The following MAL2 variants were observed in gnomAD, a reference collection of about 807,000 sequenced individuals.
MAL2 encodes protein MAL2.
Under a neutral mutation model 18.1 loss-of-function variants are expected in MAL2, and 17 were observed. The ratio of observed to expected loss-of-function variants is 0.94; its 90% confidence interval spans 0.64 to 1.41. The LOEUF (loss-of-function observed/expected upper bound fraction) is 1.41, where lower values mean the gene tolerates loss of function less well. MAL2 is among the 40% of genes most tolerant of loss of function. MAL2 has a pLI of 0.00. For synonymous variants in MAL2, 102 were observed against 102.3 expected, an observed-to-expected ratio of 1.00 and a Z score of 0.02; for missense variants, 222 against 231.9, an observed-to-expected ratio of 0.96 and a Z score of 0.28.
intron 2 of MAL2, among the ~76,000 whole-genome samples, chr8:119,239,554 A>G (rs1170946080): frequency 6.6e-6 from 1 of 152,034 alleles, no homozygotes; most frequent in Non-Finnish European, 1.5e-5. Flanking sequence ...GATTAAGAAA[A>G]TGTGGCACAT....
Position 119,210,333 on chromosome 8 carries a change from C to A in MAL2, c.132+1729C>A, listed in dbSNP as rs149023951. Reference sequence around the variant, plus strand: ...AAATACCATCTCAAGAACCTGTAGTCATGTCAGACTTTTAGGAAACAAGGC... The same window carrying A: ...AAATACCATCTCAAGAACCTGTAGTAATGTCAGACTTTTAGGAAACAAGGC... On this transcript the variant is annotated intron_variant, in intron 1 of 3. Coordinates refer to ENST00000614891, the MANE Select transcript of MAL2 (RefSeq NM_052886.3). 4.8e-3 allele frequency among the ~76,000 whole-genome samples: 737 copies of A among 152,238 alleles called. 24 individuals are homozygous for A. The highest frequency in any genetic ancestry group is 0.046 in the Admixed American group (707 of 15,284).
At chr8:119,240,657 A>C (rs1818029273) in intron 3 of MAL2, among the ~76,000 whole-genome samples, 1 of 152,176 alleles carries the variant, frequency 6.6e-6, no homozygotes, top group African/African-American at 2.4e-5. Flanking sequence ...GGAGATTTCC[A>C]GTTTTGTTCT....
intron 2 of MAL2, among the ~76,000 whole-genome samples, chr8:119,237,849 A>AC (rs1817944311): frequency 6.6e-6 from 1 of 152,070 alleles, no homozygotes; most frequent in Admixed American, 6.5e-5. Context: ...ATGGGCAAAA[A>AC]CTGGAAGCAT....
chr8:119,228,124 C>T (rs919181715), intron 2 of MAL2, among the ~76,000 whole-genome samples: 1 of 152,186 alleles, frequency 6.6e-6, no homozygotes, highest in Non-Finnish European at 1.5e-5. Context: ...ATGCTCCTTA[C>T]TGCCATCCTG....
At chr8:119,229,350 T>C (rs1258686005) in intron 2 of MAL2, among the ~76,000 whole-genome samples, 1 of 149,804 alleles carries the variant, frequency 6.7e-6, no homozygotes, top group African/African-American at 2.4e-5. Context: ...TCTTGCTCTA[T>C]TGCCCAGGCT....
intron 1 of MAL2, among the ~76,000 whole-genome samples, chr8:119,214,154 A>G (rs1417864309): frequency 6.6e-6 from 1 of 152,238 alleles, no homozygotes; most frequent in Non-Finnish European, 1.5e-5. Context: ...CCAGGTTGGC[A>G]TACCCAGTAT....
chr8:119,235,112 A>C (rs548069984), intron 2 of MAL2, among the ~76,000 whole-genome samples: 23 of 152,266 alleles, frequency 1.5e-4, no homozygotes, highest in African/African-American at 5.5e-4. Context: ...AGAAGTGCTT[A>C]AAGGAGCTGA....
At chr8:119,211,283 G>T (rs1817264670) in intron 1 of MAL2, among the ~76,000 whole-genome samples, 1 of 152,136 alleles carries the variant, frequency 6.6e-6, no homozygotes, top group Admixed American at 6.5e-5. Context: ...CCATTCTGGG[G>T]ACCCATTATT....
intron 2 of MAL2, among the ~76,000 whole-genome samples, chr8:119,230,845 T>C (rs1489226868): frequency 1.3e-5 from 2 of 152,178 alleles, no homozygotes; most frequent in African/African-American, 2.4e-5. Flanking sequence ...TAACCACATG[T>C]ATTTGAGCAT....
At chr8:119,236,898 C>A (rs1328680422) in intron 2 of MAL2, among the ~76,000 whole-genome samples, 2 of 149,456 alleles carry the variant, frequency 1.3e-5, no homozygotes, top group South Asian at 2.1e-4. Flanking sequence ...AAAGCAAGAG[C>A]AAACACATTC....
intron 3 of MAL2, 62 bp downstream of exon 3, chr8:119,240,382 C>A: frequency 6.5e-7 from 1 of 1,528,514 alleles, no homozygotes; most frequent in Non-Finnish European, 8.9e-7. Context: ...TCAAGGCCTC[C>A]AAGAAACTCC....
chr8:119,243,487 A>C lies in MAL2; in HGVS notation c.530A>C (p.Ter177SerextTer56). The C allele has an allele frequency of 2.5e-6, 4 of 1,592,676 alleles. No homozygotes were observed. Among genetic ancestry groups the C allele is most frequent in the Non-Finnish European group, 3.4e-6 (4 of 1,168,188 alleles). The change falls in exon 4 of 4, where the codon TAA becomes TCA. Residue 177 changes from the stop codon to serine (S), a stop_lost. Transcript: ENST00000614891. ...LGLALRRWRP[*>S] ...CTGGCTTTACGAAGATGGCGACCGTAACACTCCTTAGAAACTGGCAGTCGT... is the reference window on the plus strand; with the variant it reads ...CTGGCTTTACGAAGATGGCGACCGTCACACTCCTTAGAAACTGGCAGTCGT...
In MAL2 at chr8:119,240,270, G is replaced by A. The variant is rs1027232956; in HGVS notation, c.409G>A (p.Gly137Arg). 62 of 1,613,342 alleles carry A rather than the reference G, an allele frequency of 3.8e-5. No homozygotes were observed. Among genetic ancestry groups the A allele is most frequent in the Non-Finnish European group, 4.7e-5 (56 of 1,179,752 alleles). The change falls in exon 3 of 4, where the codon GGG (glycine) becomes AGG (arginine). Residue 137 changes from glycine (G) to arginine (R), a missense_variant. Gly to Arg is a moderately radical substitution (Grantham distance 125). Coordinates refer to ENST00000614891, the MANE Select transcript of MAL2 (RefSeq NM_052886.3). Reference sequence around the variant, plus strand: ...TTTGCATTGCAATACAACCATAACCGGGCAGCCACTCCTGAGTGATAACCA... The same window carrying A: ...TTTGCATTGCAATACAACCATAACCAGGCAGCCACTCCTGAGTGATAACCA... ...HDLHCNTTIT[G>R]QPLLSDNQYN...
intron 2 of MAL2, among the ~76,000 whole-genome samples, chr8:119,239,680 AAAC>A (rs1309961190): frequency 6.6e-6 from 1 of 151,696 alleles, no homozygotes; most frequent in African/African-American, 2.4e-5. Context: ...ACAAAAAACC[AAAC>A]ACCACATATT....
intron 2 of MAL2, among the ~76,000 whole-genome samples, chr8:119,233,865 C>G (rs552190154): frequency 1.3e-5 from 2 of 152,156 alleles, no homozygotes; most frequent in East Asian, 3.9e-4. Flanking sequence ...CGGGAAGAGA[C>G]ACAACCAAAA....
intron 2 of MAL2, among the ~76,000 whole-genome samples, chr8:119,235,417 G>A (rs1817861126): frequency 6.6e-6 from 1 of 152,028 alleles, no homozygotes; most frequent in Non-Finnish European, 1.5e-5. Context: ...AGCAAGGCAG[G>A]CCAACATTCA....
chr8:119,231,017 G>A (rs1232579596), intron 2 of MAL2, among the ~76,000 whole-genome samples: 1 of 151,596 alleles, frequency 6.6e-6, no homozygotes, highest in African/African-American at 2.4e-5. Context: ...TTAGATGTGA[G>A]AACAGTTTTT....
chr8:119,215,988 A>T (rs1035122450), intron 1 of MAL2, among the ~76,000 whole-genome samples: 4 of 152,082 alleles, frequency 2.6e-5, no homozygotes, highest in Non-Finnish European at 5.9e-5. Flanking sequence ...AATATAGCTA[A>T]TTGTAGATAA....
In MAL2 at chr8:119,240,124, A is replaced by AT. The variant is rs554091744; in HGVS notation, c.304-32dup. The stretch of plus-strand genomic sequence containing the variant: ...TATTTAAAATAAGGAACAGAAAAAT[A>AT]TTTTTTTTTAATTGCAGATGTCTTT... On this transcript the variant is annotated intron_variant, in intron 2 of 3. Coordinates refer to ENST00000614891, the MANE Select transcript of MAL2 (RefSeq NM_052886.3). The AT allele has an allele frequency of 1.3e-3, 2,033 of 1,552,528 alleles. 17 individuals carry two copies. In the African/African-American group the frequency reaches 0.022, roughly 17 times the overall value.
Sources: gnomAD v4.1 joint callset for allele counts (sites outside exome capture counted in the v4.1 genomes callset) on GRCh38, gnomAD v4.1.1 for gene constraint, MANE v1.5 for transcripts, NCBI Gene and HGNC (gene_info 2026-07-23, HGNC 2026-07-21) for gene names.